Variants in CORO1C observed in about 807,000 individuals in gnomAD.
The protein encoded by CORO1C is coronin 1C.
Under a neutral mutation model 51.2 loss-of-function variants are expected in CORO1C, and 14 were observed. The ratio of observed to expected loss-of-function variants is 0.27; its 90% CI spans 0.18 to 0.43. The LOEUF (loss-of-function observed/expected upper bound fraction) is 0.43, where lower values mean the gene tolerates loss of function less well. Among genes scored for constraint, CORO1C ranks in the 20% least tolerant of loss-of-function variants. The probability of loss-of-function intolerance (pLI) is 1.00; values close to 1 mark genes in which losing one functional copy is unlikely to be tolerated. For missense variants in CORO1C, 417 were observed against 607.8 expected (o/e 0.69, Z 3.30); for synonymous variants, 181 against 210.5 (o/e 0.86, Z 1.21).
At chr12:108,689,952 T>C (rs1470153456) in intron 2 of CORO1C, among the ~76,000 whole-genome samples, 2 of 152,048 alleles carry the variant, frequency 1.3e-5, no homozygotes, top group Non-Finnish European at 2.9e-5. Context: ...CTGTGCAGAG[T>C]TCAAAGGAGT....
chr12:108,647,599 T>A, intron 10 of CORO1C, 77 bp from the exon 11 acceptor site: 1 of 1,055,334 alleles, frequency 9.5e-7, no homozygotes, highest in Non-Finnish European at 1.4e-6. Flanking sequence ...TTGTAAGATA[T>A]AAAATGTAGT....
In CORO1C at chr12:108,657,297, G is replaced by A. The variant is rs200384833; in HGVS notation, c.750+7C>T. The A allele has an allele frequency of 2.4e-5, 38 of 1,613,254 alleles. No individual in the cohort carries two copies. Among genetic ancestry groups the A allele is most frequent in the Non-Finnish European group, 3.1e-5 (37 of 1,179,468 alleles). ...GAAAGCAAGTGGAAAGCCTGGGGAG[G>A]GCGTACCGGATTCCAGAGAGCCAGC... On this transcript the variant is annotated splice_region_variant and intron_variant, in intron 6 of 10. Transcript: ENST00000261401.
At chr12:108,714,091 C>G (rs557920484) in intron 1 of CORO1C, among the ~76,000 whole-genome samples, 2 of 152,164 alleles carry the variant, frequency 1.3e-5, no homozygotes, top group African/African-American at 4.8e-5. Context: ...CTCAGTTGTC[C>G]AAGAAAAGAA....
Position 108,648,727 on chromosome 12 carries a change from T to C in CORO1C, c.1183A>G (p.Ile395Val), listed in dbSNP as rs964080030. The C allele has an allele frequency of 6.2e-7, 1 of 1,614,082 alleles. No individual in the cohort carries two copies. The highest frequency in any genetic ancestry group is 8.5e-7 in the Non-Finnish European group (1 of 1,180,044). Residue 395 changes from isoleucine to valine, a missense_variant, in exon 10 of 11, where the codon ATT (isoleucine) becomes GTT (valine). Transcript: ENST00000261401. ...TTGAGATCCCTGTTTTTGCCTGGAA[T>C]GTACCCGTGCTTCAAGGAGATGAGG... Reference protein sequence around the residue: ...PILISLKHGYIPGKNRDLKVV... With the variant: ...PILISLKHGYVPGKNRDLKVV...
At chr12:108,713,726 C>G (rs1214520635) in intron 1 of CORO1C, among the ~76,000 whole-genome samples, 1 of 152,172 alleles carries the variant, frequency 6.6e-6, no homozygotes, top group Non-Finnish European at 1.5e-5. Context: ...CTACAAAGTA[C>G]GGAGCAGTTC....
intron 1 of CORO1C, among the ~76,000 whole-genome samples, chr12:108,715,180 G>A (rs1023784431): frequency 2.0e-5 from 3 of 152,030 alleles, no homozygotes; most frequent in African/African-American, 7.3e-5. Context: ...GCTGCACTGA[G>A]CTATTATTGC....
At chr12:108,688,280 C>T (rs2034370926) in intron 2 of CORO1C, among the ~76,000 whole-genome samples, 11 of 152,000 alleles carry the variant, frequency 7.2e-5, no homozygotes, top group Admixed American at 7.2e-4. Flanking sequence ...GTAGACTCAT[C>T]CTATATATTG....
chr12:108,702,953 G>T (rs1488247158), intron 1 of CORO1C: 1 of 1,529,314 alleles, frequency 6.5e-7, no homozygotes, highest in African/African-American at 1.4e-5. Flanking sequence ...CATACATTTT[G>T]AGTCTTTGGT....
At chr12:108,667,398 T>A (rs910391418) in intron 3 of CORO1C, among the ~76,000 whole-genome samples, 1 of 152,236 alleles carries the variant, frequency 6.6e-6, no homozygotes, top group Admixed American at 6.5e-5. Context: ...TTCTCAAAAC[T>A]GTATGCAGTG....
intron 10 of CORO1C, 86 bp downstream of exon 10, chr12:108,648,519 T>C (rs1733734400): frequency 1.9e-6 from 3 of 1,571,400 alleles, no homozygotes; most frequent in Middle Eastern, 2.3e-4. Context: ...GCTGGGACAG[T>C]ACTCGCCGAC....
At chr12:108,713,781 C>A (rs772085689) in intron 1 of CORO1C, among the ~76,000 whole-genome samples, 13 of 152,210 alleles carry the variant, frequency 8.5e-5, no homozygotes, top group Non-Finnish European at 1.8e-4. Context: ...AACAATCAAT[C>A]CCGAATCATA....
At chr12:108,714,759 AAAAAAT>A (rs1232074659) in intron 1 of CORO1C, among the ~76,000 whole-genome samples, 2 of 152,078 alleles carry the variant, frequency 1.3e-5, no homozygotes, top group Non-Finnish European at 2.9e-5. Flanking sequence ...TGATACCCAA[AAAAAAT>A]AAAAATAAAA....
chr12:108,672,802 T>C (rs1297894432), intron 3 of CORO1C, among the ~76,000 whole-genome samples: 2 of 152,220 alleles, frequency 1.3e-5, no homozygotes, highest in Non-Finnish European at 2.9e-5. Flanking sequence ...TATTACTGTA[T>C]CTGTTACAGT....
intron 6 of CORO1C, among the ~76,000 whole-genome samples, chr12:108,655,469 C>T (rs1007562334): frequency 3.3e-4 from 50 of 151,758 alleles, no homozygotes; most frequent in African/African-American, 1.1e-3. Flanking sequence ...CGACTCACTG[C>T]AACCTCCCTG....
At chr12:108,657,240 A>T in intron 6 of CORO1C, 64 bp downstream of exon 6, 2 of 1,547,674 alleles carry the variant, frequency 1.3e-6, no homozygotes, top group Non-Finnish European at 1.7e-6. Context: ...ACTCACTGGA[A>T]GACCTGCTCA....
intron 3 of CORO1C, among the ~76,000 whole-genome samples, chr12:108,663,052 G>A (rs768927381): frequency 3.9e-5 from 6 of 152,122 alleles, no homozygotes; most frequent in East Asian, 1.9e-4. Flanking sequence ...TATAAATGGC[G>A]AAAAAGCACA....
At chr12:108,720,949 C>T (rs2035461520) in intron 1 of CORO1C, among the ~76,000 whole-genome samples, 1 of 152,170 alleles carries the variant, frequency 6.6e-6, no homozygotes, top group African/African-American at 2.4e-5. Flanking sequence ...ACTCAATTAA[C>T]ATTTATTGAA....
At chr12:108,723,589 G>A (rs1005684180) in intron 1 of CORO1C, among the ~76,000 whole-genome samples, 10 of 152,192 alleles carry the variant, frequency 6.6e-5, no homozygotes, top group African/African-American at 2.4e-4. Context: ...AGCAGTTGTT[G>A]AGACATGGGG....
chr12:108,697,814 ACAAT>A (rs1219218121), intron 2 of CORO1C, among the ~76,000 whole-genome samples: 3 of 152,242 alleles, frequency 2.0e-5, no homozygotes, highest in East Asian at 1.9e-4. Flanking sequence ...CTGCTTACAG[ACAAT>A]CAAACCAACT....
Sources: gnomAD v4.1 joint callset for allele counts (sites outside exome capture counted in the v4.1 genomes callset) on GRCh38, gnomAD v4.1.1 for gene constraint, MANE v1.5 for transcripts, NCBI Gene and HGNC (gene_info 2026-07-23, HGNC 2026-07-21) for gene names.